Variants in RORA observed in about 807,000 individuals in gnomAD.
RORA encodes RAR related orphan receptor A.
A neutral mutation model predicts 69.5 loss-of-function variants in RORA; 7 were observed. That is an observed-to-expected ratio of 0.10 (90% CI 0.06 to 0.19). The LOEUF is 0.19. Ranked by LOEUF, RORA falls within the 10% of genes least tolerant of loss-of-function variation. RORA has a pLI of 1.00. For synonymous variants in RORA, 261 were observed against 240.8 expected (o/e 1.08, Z -0.78); for missense variants, 457 against 663.0 (o/e 0.69, Z 3.41).
intron 5 of RORA, among the ~76,000 whole-genome samples, 158 bp from the exon 6 acceptor site, chr15:60,505,787 T>C (rs574497651): frequency 2.0e-5 from 3 of 152,328 alleles, no homozygotes; most frequent in South Asian, 4.1e-4. Flanking sequence ...AACTGTTTTG[T>C]ATTTGGGAAC....
rs143368594 is a variant in RORA at position 60,861,191 on chromosome 15, G to C, written c.167-182505C>G. ...AATGCATGAGGAAATCACACATGTAGGTCCCAACTGATAAAGCATTATCCA... is the reference window on the plus strand; with the variant it reads ...AATGCATGAGGAAATCACACATGTACGTCCCAACTGATAAAGCATTATCCA... On this transcript the variant is annotated intron_variant, in intron 1 of 10. Coordinates refer to ENST00000335670, the MANE Select transcript of RORA (RefSeq NM_134261.3). 4.1e-3 allele frequency among the ~76,000 whole-genome samples: 630 copies of C among 152,254 alleles called. 4 individuals are homozygous for C. The highest frequency in any genetic ancestry group is 0.014 in the African/African-American group (602 of 41,548).
rs138216541 is a variant in RORA, at chr15:60,740,203, T to C, written c.167-61517A>G. Among the ~76,000 whole-genome samples, 18 of 152,280 alleles carry C rather than the reference T, an allele frequency of 1.2e-4. No homozygotes were observed. In the East Asian group the frequency reaches 3.1e-3, roughly 26 times the overall value. ...TTCTGTCTGTGGCTCAATGGTTTAA[T>C]TATCAAAGGATTCTATAAACCCCAA... On this transcript the variant is annotated intron_variant, in intron 1 of 10. Transcript: ENST00000335670.
chr15:60,929,670 C>T (rs559879358), intron 1 of RORA, among the ~76,000 whole-genome samples: 44 of 152,208 alleles, frequency 2.9e-4, no homozygotes, highest in Admixed American at 5.2e-4. Flanking sequence ...TGCTACAAGA[C>T]ATCTGATATG....
chr15:60,963,721 G>A (rs982785411), intron 1 of RORA, among the ~76,000 whole-genome samples: 2 of 152,198 alleles, frequency 1.3e-5, no homozygotes, highest in Non-Finnish European at 2.9e-5. Flanking sequence ...GAACTCAGCG[G>A]GAATGGCCCA....
rs1217692344 is a variant in RORA, at chr15:60,600,546, A to C, written c.197-68695T>G. Among the ~76,000 whole-genome samples, 5 of 152,270 alleles carry C rather than the reference A, an allele frequency of 3.3e-5. No homozygotes were observed. In the East Asian group the frequency reaches 9.6e-4, roughly 29 times the overall value. ...ATCTATTATTTATGTCCAGTCCTAC[A>C]CTGTGGAAGTCTGTTGTGAGCGCTA... is the stretch of plus-strand genomic sequence containing the variant. On this transcript the variant is annotated intron_variant, in intron 2 of 10. Transcript: ENST00000335670.
At chr15:60,727,190 GT>G (rs1265455373) in intron 1 of RORA, among the ~76,000 whole-genome samples, 2 of 152,116 alleles carry the variant, frequency 1.3e-5, no homozygotes, top group African/African-American at 4.8e-5. Flanking sequence ...TGTTGTTATT[GT>G]TTTGTTTTGT....
At chr15:60,608,029 C>T (rs1212206482) in intron 2 of RORA, among the ~76,000 whole-genome samples, 1 of 152,212 alleles carries the variant, frequency 6.6e-6, no homozygotes, top group African/African-American at 2.4e-5. Context: ...TGCAAAACGT[C>T]CGTGAAAACT....
chr15:60,943,532 G>A (rs1265981173), intron 1 of RORA, among the ~76,000 whole-genome samples: 2 of 152,094 alleles, frequency 1.3e-5, no homozygotes, highest in Admixed American at 1.3e-4. Context: ...ATGAGCATAA[G>A]ACAGAAGGTC....
chr15:60,601,030 C>A (rs1567117316), intron 2 of RORA: 1 of 152,170 alleles, frequency 6.6e-6, no homozygotes. Context: ...GGGCCAATAA[C>A]CGGTGGAACC....
intron 1 of RORA, among the ~76,000 whole-genome samples, chr15:61,189,930 AC>A (rs1202320902): frequency 1.6e-4 from 25 of 151,886 alleles, no homozygotes; most frequent in African/African-American, 5.1e-4. Context: ...TGGAAAAAAA[AC>A]AATACCAAAC....
chr15:61,159,024 A>G (rs1261115282), intron 1 of RORA, among the ~76,000 whole-genome samples: 1 of 152,208 alleles, frequency 6.6e-6, no homozygotes, highest in Non-Finnish European at 1.5e-5. Context: ...AATAAATCGC[A>G]AGCATGGTGT....
intron 1 of RORA, among the ~76,000 whole-genome samples, chr15:60,986,534 G>C (rs1894206724): frequency 6.6e-6 from 1 of 152,166 alleles, no homozygotes; most frequent in African/African-American, 2.4e-5. Context: ...GACCGGCTAG[G>C]TGAGAAGCTG....
At chr15:61,011,315 T>A (rs1305296253) in intron 1 of RORA, among the ~76,000 whole-genome samples, 1 of 152,242 alleles carries the variant, frequency 6.6e-6, no homozygotes, top group Non-Finnish European at 1.5e-5. Flanking sequence ...GCTATTAAAG[T>A]TCCTGAATTC....
At chr15:60,841,109 A>G (rs1250787237) in intron 1 of RORA, 3 of 984,586 alleles carry the variant, frequency 3.0e-6, no homozygotes, top group Non-Finnish European at 3.6e-6. Flanking sequence ...TTTTCAGCAG[A>G]GAGCTGAGGG....
In RORA at chr15:60,731,101, A is replaced by G. The variant is rs959143683; in HGVS notation, c.167-52415T>C. 2.8e-4 allele frequency among the ~76,000 whole-genome samples: 43 copies of G among 152,160 alleles called. 1 individual carries two copies. Among genetic ancestry groups the G allele is most frequent in the Admixed American group, 2.2e-3 (34 of 15,270 alleles). ...ATCTGTCATATATTGAGGCTAACCC[A>G]GTAAGCAGGAAAGCAGCCCAGCATC... On this transcript the variant is annotated intron_variant, in intron 1 of 10. Coordinates refer to ENST00000335670, the MANE Select transcript of RORA (RefSeq NM_134261.3).
intron 2 of RORA, among the ~76,000 whole-genome samples, chr15:60,593,712 A>G (rs1301309451): frequency 6.6e-6 from 1 of 152,186 alleles, no homozygotes; most frequent in Non-Finnish European, 1.5e-5. Flanking sequence ...CGGTTCCTTC[A>G]CGAAATTTCA....
intron 1 of RORA, among the ~76,000 whole-genome samples, chr15:60,822,596 C>T (rs996462811): frequency 6.6e-6 from 1 of 152,206 alleles, no homozygotes; most frequent in Admixed American, 6.5e-5. Context: ...GCAATGCTCC[C>T]CACAACGAGG....
rs1555413361 is a variant in RORA, at chr15:61,128,223, GTC to G, written c.166+100828_166+100829del. 1.2e-3 allele frequency among the ~76,000 whole-genome samples: 184 copies of G among 151,858 alleles called. No homozygotes were observed. Among genetic ancestry groups the G allele is most frequent in the African/African-American group, 4.1e-3 (170 of 41,408 alleles). ...TGCACACGTGTGTGTGTGTGTGTGT[GTC>G]TGTGTGTGAGTGTGTTTCTGCAAGG... On this transcript the variant is annotated intron_variant, in intron 1 of 10. Transcript: ENST00000335670. This position sits in a 1 kb window ranked among gnomAD's most constrained non-coding sequence, Gnocchi z 4.5.
At chr15:60,846,098 C>T (rs2140408739) in intron 1 of RORA, among the ~76,000 whole-genome samples, 1 of 152,272 alleles carries the variant, frequency 6.6e-6, no homozygotes, top group South Asian at 2.1e-4. Context: ...CCCTCTTAAT[C>T]TTGAGGTCCA....
Sources: gnomAD v4.1 joint callset for allele counts (sites outside exome capture counted in the v4.1 genomes callset) on GRCh38, gnomAD v4.1.1 for gene constraint, Gnocchi (gnomAD v3.1) non-coding constraint, MANE v1.5 for transcripts, NCBI Gene and HGNC (gene_info 2026-07-23, HGNC 2026-07-21) for gene names.